The following TBC1D1 variants were observed in gnomAD, a reference collection of about 807,000 sequenced individuals.
TBC1D1 encodes the protein TBC1 (tre-2/USP6, BUB2, cdc16) domain family, member 1.
A neutral mutation model predicts 125.6 loss-of-function variants in TBC1D1; 89 were observed. That is an observed-to-expected ratio of 0.71 (90% CI 0.60 to 0.85). The LOEUF (loss-of-function observed/expected upper bound fraction) is 0.85. TBC1D1 is among the 40% of genes least tolerant of loss of function. TBC1D1 has a pLI of 0.00. For synonymous variants in TBC1D1, 565 were observed against 564.1 expected (o/e 1.00, Z -0.02); for missense variants, 1,377 against 1,469.2 (o/e 0.94, Z 1.03).
At chr4:38,061,995 G>A (rs1345604122) in intron 12 of TBC1D1, among the ~76,000 whole-genome samples, 1 of 152,196 alleles carries the variant, frequency 6.6e-6, no homozygotes, top group Non-Finnish European at 1.5e-5. Context: ...AGTGACATCT[G>A]TGCACCAAAA....
At chr4:37,984,368 G>T (rs1157395073) in intron 2 of TBC1D1, among the ~76,000 whole-genome samples, 5 of 152,186 alleles carry the variant, frequency 3.3e-5, no homozygotes, top group African/African-American at 1.2e-4. Context: ...ATACCATTTT[G>T]TATTGCCATC....
chr4:38,087,860 A>G (rs61107940), intron 12 of TBC1D1, among the ~76,000 whole-genome samples: 2,108 of 130,538 alleles, frequency 0.016, 18 homozygotes, highest in East Asian at 0.039. Context: ...AAAAAAAAAA[A>G]AAGAAAAAAA....
chr4:38,050,285 G>T (rs1750264397), intron 11 of TBC1D1, among the ~76,000 whole-genome samples: 1 of 152,202 alleles, frequency 6.6e-6, no homozygotes. Context: ...TACAGGCAGA[G>T]CAAGAGAGGT....
At chr4:38,094,485 C>T (rs1355473922) in intron 13 of TBC1D1, among the ~76,000 whole-genome samples, 1 of 152,118 alleles carries the variant, frequency 6.6e-6, no homozygotes, top group East Asian at 1.9e-4. Context: ...AGTTCTTGCC[C>T]TGGAGCCTGG....
chr4:37,944,502 C>G (rs1024556892), intron 2 of TBC1D1, among the ~76,000 whole-genome samples: 1 of 152,198 alleles, frequency 6.6e-6, no homozygotes, highest in Non-Finnish European at 1.5e-5. Flanking sequence ...GCTTCCCGGC[C>G]GCTTTGTTTA....
chr4:38,072,124 A>G (rs1024287145), intron 12 of TBC1D1, among the ~76,000 whole-genome samples: 1 of 152,216 alleles, frequency 6.6e-6, no homozygotes, highest in Non-Finnish European at 1.5e-5. Flanking sequence ...CAGAGGCAGT[A>G]TTGCATAATG....
chr4:37,960,969 T>C, intron 2 of TBC1D1: 1 of 1,614,120 alleles, frequency 6.2e-7, no homozygotes, highest in Non-Finnish European at 8.5e-7. Flanking sequence ...ATGCAATCTG[T>C]TTGCAGTCTC....
At chr4:37,921,348 T>C (rs1720946132) in intron 2 of TBC1D1, among the ~76,000 whole-genome samples, 1 of 150,310 alleles carries the variant, frequency 6.7e-6, no homozygotes, top group African/African-American at 2.4e-5. Flanking sequence ...AAAAAAAACA[T>C]AAACATATAT....
At chr4:37,935,210 G>A (rs78103565) in intron 2 of TBC1D1, among the ~76,000 whole-genome samples, 45 of 152,250 alleles carry the variant, frequency 3.0e-4, no homozygotes, top group African/African-American at 1.1e-3. Context: ...TTGCTCCAGG[G>A]TCATCTCGCT....
chr4:37,946,780 G>A (rs2152312756), intron 2 of TBC1D1, among the ~76,000 whole-genome samples: 1 of 152,216 alleles, frequency 6.6e-6, no homozygotes, highest in East Asian at 1.9e-4. Context: ...TTGTCCTTCT[G>A]CCTACATGCC....
intron 6 of TBC1D1, among the ~76,000 whole-genome samples, chr4:38,027,010 G>T (rs1165809262): frequency 6.6e-6 from 1 of 152,146 alleles, no homozygotes; most frequent in African/African-American, 2.4e-5. Context: ...TTTTTCCTAA[G>T]AAAAAGTTGT....
At chr4:38,059,044 T>C (rs1186163613) in intron 12 of TBC1D1, among the ~76,000 whole-genome samples, 1 of 152,236 alleles carries the variant, frequency 6.6e-6, no homozygotes, top group African/African-American at 2.4e-5. Flanking sequence ...CAGGGATGTG[T>C]GACTGTTTTC....
At chr4:37,935,749 G>A (rs1560499503) in intron 2 of TBC1D1, among the ~76,000 whole-genome samples, 1 of 152,106 alleles carries the variant, frequency 6.6e-6, no homozygotes, top group Non-Finnish European at 1.5e-5. Flanking sequence ...TCAAGCTGTG[G>A]AAAGCTAATA....
rs1759224779 is a variant in TBC1D1 at position 38,095,833 on chromosome 4, A to T, written c.2237-96A>T. ...GCGTTAAGCCAGTTGTAACTGCTTG[A>T]CGTCTCAGCGGGATAACAAGTAGGC... On this transcript the variant is annotated intron_variant, in intron 13 of 19. Transcript: ENST00000261439. 3.1e-6 allele frequency: 4 copies of T among 1,294,476 alleles called. No homozygotes were observed. The South Asian group carries it at 6.3e-5, about 20-fold the overall frequency. The allele number at this position is 1,294,476 out of a possible 1,614,324, so 80.2% of individuals were successfully genotyped here. A position where few individuals can be genotyped will look rare whatever the true frequency, so the allele number is the denominator to read the frequency against.
intron 2 of TBC1D1, among the ~76,000 whole-genome samples, chr4:37,945,001 G>C (rs1726374004): frequency 6.6e-6 from 1 of 152,198 alleles, no homozygotes; most frequent in Non-Finnish European, 1.5e-5. Flanking sequence ...TGAATTTTAA[G>C]AAAGCAGAAC....
chr4:38,083,043 T>C (rs13149220), intron 12 of TBC1D1, among the ~76,000 whole-genome samples: 26,767 of 152,108 alleles, frequency 0.18, 2,657 homozygotes, highest in East Asian at 0.45. Flanking sequence ...TTCCCCTCCG[T>C]ATGGCTCCCA....
intron 2 of TBC1D1, among the ~76,000 whole-genome samples, chr4:37,940,936 T>C (rs531110704): frequency 6.6e-6 from 1 of 152,342 alleles, no homozygotes; most frequent in African/African-American, 2.4e-5. Flanking sequence ...CAGTATTTTA[T>C]TGAGGATTTT....
intron 2 of TBC1D1, among the ~76,000 whole-genome samples, chr4:37,987,740 C>T (rs1735746562): frequency 6.6e-6 from 1 of 152,026 alleles, no homozygotes; most frequent in Admixed American, 6.6e-5. Flanking sequence ...AATGATAGAC[C>T]GAAAGAGGTC....
intron 2 of TBC1D1, among the ~76,000 whole-genome samples, chr4:37,915,385 C>T (rs752679002): frequency 3.3e-5 from 5 of 152,224 alleles, no homozygotes; most frequent in South Asian, 4.1e-4. Flanking sequence ...GTAGTTCAAA[C>T]GCCTGAGAGC....
Sources: gnomAD v4.1 joint callset for allele counts (sites outside exome capture counted in the v4.1 genomes callset) on GRCh38, gnomAD v4.1.1 for gene constraint, MANE v1.5 for transcripts, NCBI Gene and HGNC (gene_info 2026-07-23, HGNC 2026-07-21) for gene names.